Variants in DUS2 observed in about 807,000 individuals in gnomAD.
DUS2 encodes the protein tRNA-dihydrouridine(20) synthase [NAD(P)+]-like.
Under a neutral mutation model 71.3 loss-of-function variants are expected in DUS2, and 52 were observed. The ratio of observed to expected loss-of-function variants is 0.73; its 90% CI spans 0.58 to 0.92. The LOEUF (loss-of-function observed/expected upper bound fraction) is 0.92, where lower values mean the gene tolerates loss of function less well. DUS2 is among the 40% of genes least tolerant of loss of function. The probability of loss-of-function intolerance (pLI) is 0.00; values close to 1 mark genes in which losing one functional copy is unlikely to be tolerated. For missense variants in DUS2, 558 were observed against 622.6 expected (o/e 0.90, Z 1.10); for synonymous variants, 204 against 227.8 (o/e 0.90, Z 0.94).
At chr16:68,078,108 C>A (rs1368002584) in intron 15 of DUS2, 2 of 346,348 alleles carry the variant, frequency 5.8e-6, no homozygotes, top group East Asian at 1.3e-4. Flanking sequence ...CTTCTCTGCT[C>A]CTAGCTTGTC....
chr16:68,058,199 C>A (rs976773717), intron 7 of DUS2, among the ~76,000 whole-genome samples: 4 of 149,396 alleles, frequency 2.7e-5, no homozygotes, highest in Non-Finnish European at 5.9e-5. Context: ...AAAAGATCAG[C>A]TGGACTTGGA....
intron 2 of DUS2, among the ~76,000 whole-genome samples, chr16:68,027,325 G>A (rs1057105242): frequency 2.3e-4 from 35 of 151,002 alleles, no homozygotes; most frequent in African/African-American, 4.1e-4. Context: ...TGTGACCTCC[G>A]CCTCCCGGGT....
intron 4 of DUS2, 91 bp downstream of exon 4, chr16:68,049,641 G>A (rs1240185447): frequency 1.7e-5 from 21 of 1,223,474 alleles, no homozygotes; most frequent in Non-Finnish European, 2.4e-5. Flanking sequence ...ACAGTGTCTT[G>A]CCTGGCTTCA....
intron 2 of DUS2, among the ~76,000 whole-genome samples, chr16:68,035,965 T>TTA (rs748674711): frequency 0.011 from 1,482 of 140,118 alleles, 42 homozygotes; most frequent in African/African-American, 0.035. Context: ...CACACATATG[T>TTA]TATATATATA....
intron 7 of DUS2, among the ~76,000 whole-genome samples, chr16:68,058,243 A>C (rs1488799910): frequency 7.4e-6 from 1 of 135,650 alleles, no homozygotes; most frequent in Non-Finnish European, 1.6e-5. Flanking sequence ...TTTTTTTTTG[A>C]GATGGAGTCT....
intron 3 of DUS2, among the ~76,000 whole-genome samples, chr16:68,041,775 A>G (rs2033628594): frequency 6.7e-6 from 1 of 150,010 alleles, no homozygotes; most frequent in African/African-American, 2.5e-5. Context: ...GCGCCATTGC[A>G]CTCCAGCCTG....
At chr16:68,067,317 T>C (rs2034024817) in intron 10 of DUS2, among the ~76,000 whole-genome samples, 1 of 103,346 alleles carries the variant, frequency 9.7e-6, no homozygotes, top group African/African-American at 3.9e-5. Context: ...TTTGTCATTC[T>C]GTCACCCAGG....
intron 3 of DUS2, among the ~76,000 whole-genome samples, chr16:68,046,972 G>A (rs2033711344): frequency 6.7e-6 from 1 of 149,620 alleles, no homozygotes; most frequent in African/African-American, 2.5e-5. Flanking sequence ...GGATGGTCTT[G>A]ATCTCCTGAC....
chr16:68,027,637 G>A (rs1172610917), intron 2 of DUS2, among the ~76,000 whole-genome samples: 2 of 152,230 alleles, frequency 1.3e-5, no homozygotes, highest in Admixed American at 1.3e-4. Flanking sequence ...AAGCCACAGT[G>A]CCTATTTTCA....
intron 3 of DUS2, among the ~76,000 whole-genome samples, chr16:68,046,757 T>G (rs1030636259): frequency 9.9e-5 from 15 of 152,158 alleles, no homozygotes; most frequent in Non-Finnish European, 1.5e-4. Flanking sequence ...CTGATTTTTT[T>G]TTTTTTTGAG....
intron 15 of DUS2, 28 bp from the exon 16 acceptor site, chr16:68,078,417 C>T: frequency 2.5e-6 from 4 of 1,608,698 alleles, no homozygotes; most frequent in Non-Finnish European, 2.6e-6. Flanking sequence ...TTTCTCTGGC[C>T]ATGTGATTCC....
At chr16:68,054,713 G>GCCTT (rs2151420252) in intron 6 of DUS2, 96 bp downstream of exon 6, 1 of 1,416,392 alleles carries the variant, frequency 7.1e-7, no homozygotes, top group East Asian at 2.3e-5. Flanking sequence ...TCACCCTTCT[G>GCCTT]CCTTCTAGCC....
rs559815991 is a variant in DUS2, at chr16:68,077,069, A to T, written c.1170+350A>T. ...CAGGAGTTCAAGACCAGCCTGGCTA[A>T]GATGGTGAAACCCCGTTTTCCTAAA... On this transcript the variant is annotated intron_variant, in intron 15 of 16. Transcript: ENST00000565263. Among the ~76,000 whole-genome samples the T allele has an allele frequency of 3.9e-5, 6 of 152,224 alleles. No individual in the cohort carries two copies. The South Asian group carries it at 1.0e-3, about 26-fold the overall frequency.
At chr16:68,038,254 CTT>C in intron 3 of DUS2, 105 bp downstream of exon 3, 2 of 1,480,142 alleles carry the variant, frequency 1.4e-6, no homozygotes, top group South Asian at 2.5e-5. Context: ...TGGGAATTGA[CTT>C]TATAGGTGTT....
rs977456916 is a variant in DUS2, at chr16:68,072,732, G to A, written c.811-1302G>A. On this transcript the variant is annotated intron_variant, in intron 12 of 16. Transcript: ENST00000565263. ...TGGGGGATGGGAGGGTGTCCTGGAG[G>A]GCTGGGGAAGGCCACCTTCACCCAA... Among the ~76,000 whole-genome samples the A allele has an allele frequency of 1.4e-4, 21 of 152,264 alleles. No individual in the cohort carries two copies. In the East Asian group the frequency reaches 3.9e-3, roughly 28 times the overall value.
chr16:68,023,653 G>GT, intron 1 of DUS2: 1 of 180,300 alleles, frequency 5.5e-6, no homozygotes, highest in Non-Finnish European at 1.3e-5. Context: ...TTGAATGAAT[G>GT]ATCAGGCCTA....
intron 3 of DUS2, among the ~76,000 whole-genome samples, chr16:68,045,310 T>G (rs1293609143): frequency 6.6e-6 from 1 of 152,078 alleles, no homozygotes; most frequent in Non-Finnish European, 1.5e-5. Context: ...GCTTTCTATA[T>G]ACAAGATCAC....
At chr16:68,039,109 G>A (rs1158781036) in intron 3 of DUS2, among the ~76,000 whole-genome samples, 1 of 152,038 alleles carries the variant, frequency 6.6e-6, no homozygotes, top group Non-Finnish European at 1.5e-5. Context: ...AGACTTAAGA[G>A]GAGATTGGCG....
intron 13 of DUS2, 45 bp downstream of exon 13, chr16:68,074,200 C>T (rs1429033453): frequency 2.5e-6 from 4 of 1,610,322 alleles, no homozygotes; most frequent in East Asian, 2.2e-5. Flanking sequence ...TACGCATTGC[C>T]CAAGTTTGAC....
Sources: gnomAD v4.1 joint callset for allele counts (sites outside exome capture counted in the v4.1 genomes callset) on GRCh38, gnomAD v4.1.1 for gene constraint, MANE v1.5 for transcripts, NCBI Gene and HGNC (gene_info 2026-07-23, HGNC 2026-07-21) for gene names.